GPR139: variants seen among roughly 807,000 people sequenced by gnomAD.
The protein encoded by GPR139 is probable G protein-coupled receptor 139.
In GPR139, 12 loss-of-function variants were observed where a neutral mutation model predicts 25.8. The observed-to-expected ratio is 0.47, with a 90% CI of 0.30 to 0.75. The LOEUF (loss-of-function observed/expected upper bound fraction) is 0.75. Ranked by LOEUF, GPR139 falls within the 30% of genes least tolerant of loss-of-function variation. GPR139 has a pLI of 0.07. For missense variants in GPR139, 380 were observed against 450.2 expected (o/e 0.84, Z 1.41); for synonymous variants, 184 against 179.9 (o/e 1.02, Z -0.18).
At chr16:20,042,347 G>A (rs1053578715) in intron 1 of GPR139, among the ~76,000 whole-genome samples, 1 of 152,154 alleles carries the variant, frequency 6.6e-6, no homozygotes, top group Non-Finnish European at 1.5e-5. Context: ...AAGCAAAGAT[G>A]AGTAGGAGAG....
chr16:20,032,683 A>G lies in GPR139; in HGVS notation c.128-14T>C. The G allele has an allele frequency of 6.3e-7, 1 of 1,586,294 alleles. No individual in the cohort carries two copies. The highest frequency in any genetic ancestry group is 8.6e-7 in the Non-Finnish European group (1 of 1,160,468). ...TCAAGATATTTGCTGTGGAGAGAAG[A>G]AAAACTGGTTTAGCTCTGAAGCAAA... On this transcript the variant is annotated splice_polypyrimidine_tract_variant and intron_variant, in intron 1 of 1. Coordinates refer to ENST00000570682, the MANE Select transcript of GPR139 (RefSeq NM_001002911.4).
intron 1 of GPR139, 143 bp from the exon 2 acceptor site, chr16:20,032,812 A>C: frequency 1.6e-6 from 1 of 614,566 alleles, no homozygotes; most frequent in Non-Finnish European, 2.9e-6. Context: ...CAACCTCAGC[A>C]TTACAAATAG....
intron 1 of GPR139, among the ~76,000 whole-genome samples, chr16:20,065,628 T>C (rs777345429): frequency 2.4e-4 from 37 of 152,104 alleles, no homozygotes; most frequent in Non-Finnish European, 4.9e-4. Flanking sequence ...CCCAGCACTT[T>C]GGGAAGCTGA....
intron 1 of GPR139, among the ~76,000 whole-genome samples, chr16:20,057,054 CA>C (rs1356904649): frequency 2.0e-5 from 3 of 152,180 alleles, no homozygotes; most frequent in African/African-American, 4.8e-5. Context: ...GAAACAGCTG[CA>C]AAGACCATGC....
At chr16:20,044,861 A>G (rs138876458) in intron 1 of GPR139, among the ~76,000 whole-genome samples, 3,020 of 152,262 alleles carry the variant, frequency 0.02, 57 homozygotes, top group Non-Finnish European at 0.03. Flanking sequence ...AGTTGTATGC[A>G]ATGGTATCAA....
chr16:20,050,231 G>A (rs906009047), intron 1 of GPR139, among the ~76,000 whole-genome samples: 7 of 152,142 alleles, frequency 4.6e-5, no homozygotes, highest in Admixed American at 6.5e-5. Flanking sequence ...TGATGGGAGC[G>A]GGCAATAGGA....
At chr16:20,071,796 C>A (rs1449083390) in intron 1 of GPR139, among the ~76,000 whole-genome samples, 3 of 152,104 alleles carry the variant, frequency 2.0e-5, no homozygotes, top group African/African-American at 7.2e-5. Context: ...GCTTTGAACT[C>A]TTGAAGGGTC....
At chr16:20,072,659 G>GTT (rs2057463838) in intron 1 of GPR139, among the ~76,000 whole-genome samples, 1 of 152,152 alleles carries the variant, frequency 6.6e-6, no homozygotes, top group Non-Finnish European at 1.5e-5. Flanking sequence ...CTTCTCGGCA[G>GTT]CTCAGCTCTC....
chr16:20,056,390 C>G (rs182598854), intron 1 of GPR139, among the ~76,000 whole-genome samples: 1 of 152,134 alleles, frequency 6.6e-6, no homozygotes, highest in African/African-American at 2.4e-5. Flanking sequence ...AATTTACAAA[C>G]GAAAGAACAA....
At chr16:20,034,984 A>C (rs1292146994) in intron 1 of GPR139, among the ~76,000 whole-genome samples, 2 of 152,148 alleles carry the variant, frequency 1.3e-5, no homozygotes, top group East Asian at 3.9e-4. Context: ...ATATATGAAA[A>C]TTTCTCTGGG....
chr16:20,059,385 T>A lies in GPR139; in HGVS notation c.127+14105A>T, dbSNP rs12596215. On this transcript the variant is annotated intron_variant, in intron 1 of 1. Coordinates refer to ENST00000570682, the MANE Select transcript of GPR139 (RefSeq NM_001002911.4). ...TCCTGCCCCTTCTCCCACTTTTTCA[T>A]TGTACTCTAACCTCACTGGTCTTTC... Among the ~76,000 whole-genome samples the A allele has an allele frequency of 8.5e-4, 129 of 152,290 alleles. 3 individuals carry two copies. The East Asian group carries it at 0.021, about 25-fold the overall frequency.
chr16:20,036,116 G>A (rs1349482615), intron 1 of GPR139, among the ~76,000 whole-genome samples: 4 of 152,196 alleles, frequency 2.6e-5, no homozygotes, highest in Non-Finnish European at 4.4e-5. Flanking sequence ...GGAGCTGCTG[G>A]TGAATAGATA....
chr16:20,050,271 G>A lies in GPR139; in HGVS notation c.128-17602C>T, dbSNP rs1292578867. ...GTCGAGTGACTGGGAAGCAAAGCAT[G>A]CCAATAGGAGGGAACGAAATGTGCA... On this transcript the variant is annotated intron_variant, in intron 1 of 1. Coordinates refer to ENST00000570682, the MANE Select transcript of GPR139 (RefSeq NM_001002911.4). 2.0e-5 allele frequency among the ~76,000 whole-genome samples: 3 copies of A among 152,210 alleles called. No homozygotes were observed. In the East Asian group the frequency reaches 5.8e-4, roughly 29 times the overall value.
At chr16:20,061,178 AATGGATGGATGGATGGATGG>A (rs200262959) in intron 1 of GPR139, among the ~76,000 whole-genome samples, 224 of 140,650 alleles carry the variant, frequency 1.6e-3, no homozygotes, top group Non-Finnish European at 2.7e-3. Context: ...CCAGGCCCAG[AATGGATGGATGGATGGATGG>A]ATGGATGGAT....
At position 20,032,558 on chromosome 16, in the gene GPR139, A is replaced by G. The variant is rs1014304157; in HGVS notation, c.239T>C (p.Ile80Thr). 1 of 1,614,204 alleles carries G rather than the reference A, an allele frequency of 6.2e-7. No individual in the cohort carries two copies. Among genetic ancestry groups the G allele is most frequent in the Non-Finnish European group, 8.5e-7 (1 of 1,180,032 alleles). Residue 80 changes from isoleucine (I) to threonine (T), a missense_variant, in exon 2 of 2, where the codon ATA becomes ACA. By Grantham distance (89) the Ile-to-Thr change is moderately conservative (BLOSUM62 -1). Transcript: ENST00000570682. Reference sequence around the variant, plus strand: ...TTCCAACAGGAAGTCCACAAACACTATGAAAAAGAGGACCAAGATGTCGGC... The same window carrying G: ...TTCCAACAGGAAGTCCACAAACACTGTGAAAAAGAGGACCAAGATGTCGGC... ...AAADILVLFF[I>T]VFVDFLLEDF... is the part of the protein sequence containing the mutation.
chr16:20,067,767 G>A (rs995315047), intron 1 of GPR139, among the ~76,000 whole-genome samples: 4 of 126,628 alleles, frequency 3.2e-5, no homozygotes, highest in South Asian at 2.6e-4. Flanking sequence ...TTGCACCATT[G>A]CACTCCAGCC....
At chr16:20,060,091 T>C (rs2057406106) in intron 1 of GPR139, among the ~76,000 whole-genome samples, 1 of 152,102 alleles carries the variant, frequency 6.6e-6, no homozygotes, top group Admixed American at 6.5e-5. Context: ...TCCACCACAT[T>C]CCAGGGAAGA....
chr16:20,032,898 A>G (rs1482163711), intron 1 of GPR139, among the ~76,000 whole-genome samples: 1 of 152,218 alleles, frequency 6.6e-6, no homozygotes, highest in Admixed American at 6.5e-5. Context: ...TGGTGCCTCC[A>G]TTCTCCTCAT....
intron 1 of GPR139, among the ~76,000 whole-genome samples, chr16:20,035,825 G>T (rs2057308134): frequency 6.6e-6 from 1 of 152,208 alleles, no homozygotes; most frequent in African/African-American, 2.4e-5. Flanking sequence ...CTTATATTGA[G>T]TTCTGCTTGC....
Sources: allele counts gnomAD v4.1 joint callset (sites outside exome capture counted in the v4.1 genomes callset), GRCh38; gene constraint gnomAD v4.1.1; transcripts MANE v1.5; gene names NCBI Gene and HGNC (gene_info 2026-07-23, HGNC 2026-07-21).